The following SLC24A3 variants were observed in gnomAD, a reference collection of about 807,000 sequenced individuals.
SLC24A3 encodes the protein solute carrier family 24 member 3.
In SLC24A3, 28 loss-of-function variants were observed where a neutral mutation model predicts 75.8. The ratio of observed to expected loss-of-function variants is 0.37; its 90% CI spans 0.27 to 0.51. The LOEUF (loss-of-function observed/expected upper bound fraction) is 0.51, where lower values mean the gene tolerates loss of function less well. Ranked by LOEUF, SLC24A3 falls within the 20% of genes least tolerant of loss-of-function variation. The pLI is 0.94. For missense variants in SLC24A3, 663 were observed against 847.8 expected, an observed-to-expected ratio of 0.78 and a Z score of 2.71; for synonymous variants, 372 against 334.1, an observed-to-expected ratio of 1.11 and a Z score of -1.24.
Position 19,587,490 on chromosome 20 carries a change from T to C in SLC24A3, c.612+1946T>C, listed in dbSNP as rs546240518. On this transcript the variant is annotated intron_variant, in intron 6 of 16. Transcript: ENST00000328041. ...CATGGACAGAAGTAACAACCATGAC[T>C]GTTGGGAGAAGCAGTCCACAGTCCA... Among the ~76,000 whole-genome samples, 7 of 152,314 alleles carry C rather than the reference T, an allele frequency of 4.6e-5. No individual in the cohort carries two copies. In the South Asian group the frequency reaches 1.5e-3, roughly 32 times the overall value.
At chr20:19,330,926 G>A (rs954327031) in intron 2 of SLC24A3, among the ~76,000 whole-genome samples, 5 of 152,194 alleles carry the variant, frequency 3.3e-5, no homozygotes, top group African/African-American at 9.7e-5. Context: ...AGGAAGGCAT[G>A]ACTTGAATCT....
chr20:19,429,954 G>A (rs1987072824), intron 2 of SLC24A3, among the ~76,000 whole-genome samples: 1 of 152,120 alleles, frequency 6.6e-6, no homozygotes, highest in African/African-American at 2.4e-5. Context: ...AAAAGAGGAG[G>A]GCCTGGGCTG....
At chr20:19,482,189 C>G (rs1343253928) in intron 2 of SLC24A3, among the ~76,000 whole-genome samples, 2 of 152,234 alleles carry the variant, frequency 1.3e-5, no homozygotes, top group Non-Finnish European at 2.9e-5. Context: ...AAGACCAACA[C>G]TTCAACCTGA....
intron 2 of SLC24A3, among the ~76,000 whole-genome samples, chr20:19,448,879 G>T (rs1319900151): frequency 2.0e-5 from 3 of 152,152 alleles, no homozygotes; most frequent in Admixed American, 2.0e-4. Flanking sequence ...AAAGCAGAAG[G>T]CTGTAAAGCC....
At chr20:19,256,122 A>G in intron 1 of SLC24A3, among the ~76,000 whole-genome samples, 1 of 151,432 alleles carries the variant, frequency 6.6e-6, no homozygotes, top group Non-Finnish European at 1.5e-5. Flanking sequence ...AATAATAATA[A>G]TAGTAATTTT....
At chr20:19,311,791 C>T (rs552653371) in intron 2 of SLC24A3, among the ~76,000 whole-genome samples, 58 of 152,146 alleles carry the variant, frequency 3.8e-4, no homozygotes, top group Non-Finnish European at 6.6e-4. Flanking sequence ...AATTCATCTG[C>T]CACACTTACT....
intron 2 of SLC24A3, among the ~76,000 whole-genome samples, chr20:19,414,105 T>G (rs1986790527): frequency 1.3e-5 from 2 of 152,174 alleles, no homozygotes; most frequent in East Asian, 1.9e-4. Context: ...CAAATTGAAA[T>G]AGCAGAAGGA....
intron 6 of SLC24A3, among the ~76,000 whole-genome samples, chr20:19,587,779 A>G (rs1364119839): frequency 6.6e-6 from 1 of 152,222 alleles, no homozygotes; most frequent in Non-Finnish European, 1.5e-5. Context: ...TAGAGTGGGT[A>G]CAAGCACACC....
intron 2 of SLC24A3, among the ~76,000 whole-genome samples, chr20:19,415,537 A>T (rs775704922): frequency 6.6e-6 from 1 of 152,184 alleles, no homozygotes; most frequent in Non-Finnish European, 1.5e-5. Context: ...TCCACTGTTT[A>T]AAAAAAGTGA....
chr20:19,622,847 CT>C (rs1009067509), intron 6 of SLC24A3, among the ~76,000 whole-genome samples: 2 of 152,146 alleles, frequency 1.3e-5, no homozygotes, highest in African/African-American at 4.8e-5. Context: ...CTTCAAGGAA[CT>C]TCCACTCATG....
chr20:19,405,854 A>G (rs915984029), intron 2 of SLC24A3, among the ~76,000 whole-genome samples: 1 of 152,228 alleles, frequency 6.6e-6, no homozygotes, highest in African/African-American at 2.4e-5. Context: ...CAGGTGTAGA[A>G]GGAACTTTGG....
intron 1 of SLC24A3, among the ~76,000 whole-genome samples, chr20:19,228,638 C>T (rs1981934130): frequency 1.3e-5 from 2 of 151,220 alleles, no homozygotes; most frequent in South Asian, 4.2e-4. Flanking sequence ...GAGCTAGACT[C>T]CGTCTCAAAA....
chr20:19,559,408 T>C (rs1049110316), intron 3 of SLC24A3, among the ~76,000 whole-genome samples: 1 of 152,236 alleles, frequency 6.6e-6, no homozygotes, highest in Non-Finnish European at 1.5e-5. Flanking sequence ...GTCTATGGCC[T>C]GCATTTTCAT....
chr20:19,270,785 G>C (rs951538221), intron 1 of SLC24A3, among the ~76,000 whole-genome samples: 2 of 152,046 alleles, frequency 1.3e-5, no homozygotes, highest in Non-Finnish European at 2.9e-5. Context: ...GTTAGAGGGG[G>C]AGGGGGAAGA....
intron 15 of SLC24A3, among the ~76,000 whole-genome samples, chr20:19,706,889 T>C (rs1026691122): frequency 1.3e-4 from 20 of 152,166 alleles, no homozygotes; most frequent in African/African-American, 4.8e-4. Context: ...GTTACCCTAA[T>C]GCTAAGTAAC....
At chr20:19,592,797 CT>C (rs11480179) in intron 6 of SLC24A3, among the ~76,000 whole-genome samples, 48 of 126,696 alleles carry the variant, frequency 3.8e-4, no homozygotes, top group South Asian at 7.5e-4. Context: ...TTCTTTCTTT[CT>C]TTTTTTTTTT....
At chr20:19,389,480 C>T (rs1986330413) in intron 2 of SLC24A3, among the ~76,000 whole-genome samples, 1 of 151,870 alleles carries the variant, frequency 6.6e-6, no homozygotes, top group Non-Finnish European at 1.5e-5. Context: ...GACAGTCTTG[C>T]AGGTTATAAT....
chr20:19,349,569 A>C (rs1985519173), intron 2 of SLC24A3, among the ~76,000 whole-genome samples: 1 of 152,134 alleles, frequency 6.6e-6, no homozygotes, highest in Non-Finnish European at 1.5e-5. Flanking sequence ...AGAACTGATG[A>C]GTCAGTGTGT....
intron 14 of SLC24A3, 25 bp from the exon 15 acceptor site, chr20:19,698,543 C>G: frequency 1.9e-6 from 3 of 1,551,202 alleles, no homozygotes; most frequent in Admixed American, 3.9e-5. Context: ...CCTTCCCTCT[C>G]TTAAGTGACC....
Sources: allele counts gnomAD v4.1 joint callset (sites outside exome capture counted in the v4.1 genomes callset), GRCh38; gene constraint gnomAD v4.1.1; transcripts MANE v1.5; gene names NCBI Gene and HGNC (gene_info 2026-07-23, HGNC 2026-07-21).